The following NTRK2 variants were observed in gnomAD, a reference collection of about 807,000 sequenced individuals.
NTRK2 encodes the protein neurotrophic receptor tyrosine kinase 2.
NTRK2 carries 13 observed loss-of-function variants against 94.5 expected under a neutral mutation model. The observed-to-expected ratio is 0.14, with a 90% CI of 0.09 to 0.22. NTRK2 has a LOEUF of 0.22. Ranked by LOEUF, NTRK2 falls within the 10% of genes least tolerant of loss-of-function variation. The pLI, the probability that NTRK2 is intolerant of heterozygous loss-of-function variation, is 1.00. For missense variants in NTRK2, 639 were observed against 1,071.2 expected, an observed-to-expected ratio of 0.60 and a Z score of 5.63; for synonymous variants, 372 against 407.4, an observed-to-expected ratio of 0.91 and a Z score of 1.05.
intron 12 of NTRK2, among the ~76,000 whole-genome samples, chr9:84,785,541 A>C (rs1218439781): frequency 6.6e-6 from 1 of 152,210 alleles, no homozygotes; most frequent in Non-Finnish European, 1.5e-5. Context: ...TTCCAGAAGA[A>C]GGGCAGATGC....
chr9:84,722,605 G>A (rs921397429), intron 6 of NTRK2, among the ~76,000 whole-genome samples: 2 of 151,964 alleles, frequency 1.3e-5, no homozygotes, highest in African/African-American at 2.4e-5. Context: ...ACCAAGAGAG[G>A]GACAGGCTCC....
At chr9:84,937,677 A>G (rs1346871302) in intron 15 of NTRK2, among the ~76,000 whole-genome samples, 1 of 152,068 alleles carries the variant, frequency 6.6e-6, no homozygotes, top group Non-Finnish European at 1.5e-5. Flanking sequence ...GCACTGAGTT[A>G]TAATCAAAGA....
intron 2 of NTRK2, among the ~76,000 whole-genome samples, chr9:84,687,974 C>G (rs1042703452): frequency 1.3e-5 from 2 of 152,208 alleles, no homozygotes; most frequent in Non-Finnish European, 2.9e-5. Flanking sequence ...TCTATCAACA[C>G]CACCATAGAC....
rs1379145164 is a variant in NTRK2 at position 84,710,755 on chromosome 9, A to C, written c.547A>C (p.Asn183His). ...GTACTGCCTGAATGAAAGCAGCAAG[A>C]ATATTCCCCTGGCAAACCTGCAGAT... ...DLYCLNESSK[N>H]IPLANLQIPN... Residue 183 changes from asparagine to histidine, a missense_variant, in exon 6 of 19, where the codon AAT becomes CAT. Physicochemically the swap from Asn to His is moderately conservative, Grantham distance 68. This residue lies in a region of NTRK2 where 206 missense variants were observed against 251.5 expected (regional missense o/e 0.82). Transcript: ENST00000277120. 1 of 1,614,198 alleles carries C rather than the reference A, an allele frequency of 6.2e-7. No homozygotes were observed. The highest frequency in any genetic ancestry group is 1.3e-5 in the African/African-American group (1 of 75,074).
At chr9:84,903,615 T>C (rs2132421192) in intron 14 of NTRK2, among the ~76,000 whole-genome samples, 1 of 151,996 alleles carries the variant, frequency 6.6e-6, no homozygotes, top group East Asian at 1.9e-4. Context: ...CAGAAAAATC[T>C]TTCCTTCTTT....
chr9:84,677,678 C>T (rs1024999926), intron 2 of NTRK2, among the ~76,000 whole-genome samples: 9 of 152,112 alleles, frequency 5.9e-5, no homozygotes, highest in African/African-American at 1.9e-4. Context: ...GCTCTGTCTA[C>T]TCCAACCTTG....
At chr9:84,690,531 A>C (rs1199632260) in intron 2 of NTRK2, among the ~76,000 whole-genome samples, 1 of 141,220 alleles carries the variant, frequency 7.1e-6, no homozygotes, top group Non-Finnish European at 1.5e-5. Flanking sequence ...GACATTTTAA[A>C]AAATGATAAT....
intron 14 of NTRK2, among the ~76,000 whole-genome samples, chr9:84,915,200 C>A (rs1481686705): frequency 1.3e-5 from 2 of 152,122 alleles, no homozygotes; most frequent in African/African-American, 4.8e-5. Context: ...CCTAACAGGC[C>A]ATAGATCAGT....
rs556856243 is a variant in NTRK2, at chr9:84,938,779, G to A, written c.1764+4487G>A. ...ATAAATAGAGAGTTGCACCAGGTGT[G>A]GTGGCTCATGCCTGTAATCCCTGCA... On this transcript the variant is annotated intron_variant, in intron 15 of 18. Coordinates refer to ENST00000277120, the MANE Select transcript of NTRK2 (RefSeq NM_006180.6). Among the ~76,000 whole-genome samples the A allele has an allele frequency of 7.9e-5, 12 of 152,182 alleles. No homozygotes were observed. In the South Asian group the frequency reaches 2.5e-3, roughly 32 times the overall value.
intron 12 of NTRK2, among the ~76,000 whole-genome samples, chr9:84,822,583 G>T (rs914586070): frequency 3.3e-5 from 5 of 152,170 alleles, no homozygotes; most frequent in Non-Finnish European, 5.9e-5. Flanking sequence ...AAGAGCATCA[G>T]ACTGCAATGC....
intron 2 of NTRK2, among the ~76,000 whole-genome samples, chr9:84,692,622 C>A (rs1319656041): frequency 6.6e-6 from 1 of 151,824 alleles, no homozygotes; most frequent in South Asian, 2.1e-4. Context: ...GCATGTGCTA[C>A]CCACCTGGCT....
At chr9:84,966,031 T>C (rs565650392) in intron 17 of NTRK2, among the ~76,000 whole-genome samples, 1 of 152,330 alleles carries the variant, frequency 6.6e-6, no homozygotes, top group Admixed American at 6.5e-5. Context: ...CTGTTGATCA[T>C]CCTATTGGTG....
chr9:84,999,196 A>G (rs972126099), intron 17 of NTRK2, among the ~76,000 whole-genome samples: 2 of 68,864 alleles, frequency 2.9e-5, no homozygotes, highest in Non-Finnish European at 6.2e-5. Flanking sequence ...CACTGAACGT[A>G]CTTTTGGTGG....
chr9:84,972,111 G>T (rs140246263), intron 17 of NTRK2, among the ~76,000 whole-genome samples: 39 of 152,314 alleles, frequency 2.6e-4, no homozygotes, highest in African/African-American at 9.4e-4. Flanking sequence ...ACGCCAAGGT[G>T]GGAGAGTTGG....
chr9:84,746,382 C>G (rs1022989390), intron 11 of NTRK2, among the ~76,000 whole-genome samples: 2 of 152,034 alleles, frequency 1.3e-5, no homozygotes, highest in African/African-American at 4.8e-5. Flanking sequence ...TACTTCTGGC[C>G]CTTTACAAGG....
At chr9:84,831,226 G>C (rs1015539607) in intron 12 of NTRK2, among the ~76,000 whole-genome samples, 4 of 152,118 alleles carry the variant, frequency 2.6e-5, no homozygotes, top group Admixed American at 2.0e-4. Context: ...ATGAGGTTTT[G>C]ATATTAAGAC....
At chr9:84,767,666 T>C (rs536929435) in intron 12 of NTRK2, among the ~76,000 whole-genome samples, 2 of 152,134 alleles carry the variant, frequency 1.3e-5, no homozygotes, top group Admixed American at 1.3e-4. Context: ...TTTTGGAAAA[T>C]AGTTGATTGG....
At chr9:84,972,828 A>G (rs980185650) in intron 17 of NTRK2, among the ~76,000 whole-genome samples, 1 of 152,218 alleles carries the variant, frequency 6.6e-6, no homozygotes, top group African/African-American at 2.4e-5. Context: ...ATAAGCAATC[A>G]TATTCTCATT....
chr9:84,671,160 G>T (rs1033588114), intron 2 of NTRK2, among the ~76,000 whole-genome samples, 200 bp downstream of exon 2: 4 of 152,158 alleles, frequency 2.6e-5, no homozygotes, highest in African/African-American at 9.7e-5. Context: ...TGACACTTTA[G>T]AATAAGTTTC....
Sources: allele counts gnomAD v4.1 joint callset (sites outside exome capture counted in the v4.1 genomes callset), GRCh38; gene constraint gnomAD v4.1.1; regional missense constraint gnomAD v4.1.1; transcripts MANE v1.5; gene names NCBI Gene and HGNC (gene_info 2026-07-23, HGNC 2026-07-21).